Variants in RNGTT observed in about 807,000 individuals in gnomAD.
The protein encoded by RNGTT is mRNA-capping enzyme.
A neutral mutation model predicts 79.3 loss-of-function variants in RNGTT; 33 were observed. The observed-to-expected ratio is 0.42, with a 90% CI of 0.32 to 0.56. The LOEUF is 0.56. Ranked by LOEUF, RNGTT falls within the 20% of genes least tolerant of loss-of-function variation. RNGTT has a pLI of 0.17. For missense variants in RNGTT, 497 were observed against 739.1 expected (o/e 0.67, Z 3.80); for synonymous variants, 222 against 235.9 (o/e 0.94, Z 0.54).
At chr6:88,713,105 C>T (rs1377808557) in intron 13 of RNGTT, among the ~76,000 whole-genome samples, 1 of 152,036 alleles carries the variant, frequency 6.6e-6, no homozygotes. Context: ...GTGTTCAAAC[C>T]CTAACCCTCA....
intron 8 of RNGTT, among the ~76,000 whole-genome samples, chr6:88,889,130 C>A (rs780231855): frequency 2.6e-4 from 39 of 152,184 alleles, no homozygotes; most frequent in Non-Finnish European, 2.9e-4. Context: ...GATAAAATTT[C>A]TTTTTTATTT....
At chr6:88,720,683 CT>C (rs775714461) in intron 13 of RNGTT, among the ~76,000 whole-genome samples, 17 of 152,174 alleles carry the variant, frequency 1.1e-4, no homozygotes, top group Middle Eastern at 3.4e-3. Context: ...AAGAATTTTT[CT>C]GATCACTTTT....
At chr6:88,725,440 C>G (rs1000711276) in intron 13 of RNGTT, among the ~76,000 whole-genome samples, 1 of 152,124 alleles carries the variant, frequency 6.6e-6, no homozygotes, top group African/African-American at 2.4e-5. Context: ...TAAGACATAC[C>G]AAGGAGAGAG....
At chr6:88,685,590 G>A (rs554108974) in intron 13 of RNGTT, among the ~76,000 whole-genome samples, 68 of 151,418 alleles carry the variant, frequency 4.5e-4, no homozygotes, top group Middle Eastern at 3.4e-3. Flanking sequence ...AGGGGAAAGG[G>A]AAGAAAAAAG....
intron 14 of RNGTT, among the ~76,000 whole-genome samples, chr6:88,634,678 G>T (rs1773031333): frequency 6.6e-6 from 1 of 151,946 alleles, no homozygotes; most frequent in African/African-American, 2.4e-5. Context: ...AAATTCGGAG[G>T]TTCTTTTGAA....
At chr6:88,891,990 G>GTC in intron 6 of RNGTT, 75 bp from the exon 7 acceptor site, 1 of 977,088 alleles carries the variant, frequency 1.0e-6, no homozygotes, top group Non-Finnish European at 1.5e-6. Context: ...ACAAAGAAGA[G>GTC]ACTGAGAGAT....
intron 11 of RNGTT, among the ~76,000 whole-genome samples, chr6:88,817,513 A>AAG (rs1780352749): frequency 6.7e-6 from 1 of 150,282 alleles, no homozygotes; most frequent in South Asian, 2.1e-4. Context: ...AAAAAAAAAA[A>AAG]AAGTGGGGGG....
rs544911437 is a variant in RNGTT, at chr6:88,705,745, G to C, written c.1440-27326C>G. ...ATCACTTTGCAAATGTTCTGACTAT[G>C]GTCAGCACAGATAAAGTGAATTTAT... On this transcript the variant is annotated intron_variant, in intron 13 of 15. Coordinates refer to ENST00000369485, the MANE Select transcript of RNGTT (RefSeq NM_003800.5). Among the ~76,000 whole-genome samples, 21 of 152,144 alleles carry C rather than the reference G, an allele frequency of 1.4e-4. No individual in the cohort carries two copies. The South Asian group carries it at 4.1e-3, about 30-fold the overall frequency.
At chr6:88,688,414 T>C (rs1442499890) in intron 13 of RNGTT, among the ~76,000 whole-genome samples, 2 of 152,178 alleles carry the variant, frequency 1.3e-5, no homozygotes, top group Non-Finnish European at 2.9e-5. Flanking sequence ...CCTAGCTCTG[T>C]CAACAGAGAG....
intron 12 of RNGTT, among the ~76,000 whole-genome samples, chr6:88,777,802 T>C (rs73754823): frequency 0.025 from 3,757 of 152,290 alleles, 142 homozygotes; most frequent in African/African-American, 0.085. Context: ...TCTTGTCTGA[T>C]TGCTCTTACT....
At chr6:88,687,765 G>A (rs1425503312) in intron 13 of RNGTT, among the ~76,000 whole-genome samples, 1 of 152,136 alleles carries the variant, frequency 6.6e-6, no homozygotes, top group East Asian at 1.9e-4. Context: ...AGGAATTACA[G>A]GAAGGCTAAA....
chr6:88,798,092 C>T (rs1305340090), intron 12 of RNGTT, among the ~76,000 whole-genome samples: 1 of 151,882 alleles, frequency 6.6e-6, no homozygotes, highest in African/African-American at 2.4e-5. Flanking sequence ...CATGGATAGG[C>T]ATTACCATGG....
intron 14 of RNGTT, among the ~76,000 whole-genome samples, chr6:88,670,764 G>C (rs1280174875): frequency 6.6e-6 from 1 of 152,120 alleles, no homozygotes. Flanking sequence ...GCCCCCACTT[G>C]CACAATGTAT....
At chr6:88,699,861 T>C (rs540725986) in intron 13 of RNGTT, among the ~76,000 whole-genome samples, 1 of 152,196 alleles carries the variant, frequency 6.6e-6, no homozygotes, top group Admixed American at 6.5e-5. Flanking sequence ...GTATACAGAA[T>C]ATGCAAACTC....
intron 14 of RNGTT, among the ~76,000 whole-genome samples, chr6:88,665,939 A>G (rs565347013): frequency 2.0e-5 from 3 of 152,232 alleles, no homozygotes; most frequent in Non-Finnish European, 2.9e-5. Context: ...CAGGTACGCT[A>G]CCTGGGATTT....
intron 14 of RNGTT, among the ~76,000 whole-genome samples, chr6:88,638,009 A>G (rs1346829283): frequency 6.6e-6 from 1 of 152,148 alleles, no homozygotes; most frequent in African/African-American, 2.4e-5. Flanking sequence ...CCTAAGGATT[A>G]GACTGCTTTT....
intron 6 of RNGTT, among the ~76,000 whole-genome samples, chr6:88,893,698 C>T (rs184779250): frequency 2.6e-3 from 391 of 152,224 alleles, no homozygotes; most frequent in Non-Finnish European, 4.3e-3. Flanking sequence ...TAGTAAATGT[C>T]TGTCATCCAT....
intron 1 of RNGTT, among the ~76,000 whole-genome samples, chr6:88,957,193 G>C (rs140862105): frequency 6.6e-6 from 1 of 152,108 alleles, no homozygotes; most frequent in East Asian, 1.9e-4. Context: ...CAGAAGGGAC[G>C]TACCTCAAGG....
intron 13 of RNGTT, among the ~76,000 whole-genome samples, chr6:88,733,166 G>T (rs1777169397): frequency 6.6e-6 from 1 of 152,064 alleles, no homozygotes. Flanking sequence ...TTTGAGATCA[G>T]CCTGGGCAAC....
Sources: gnomAD v4.1 joint callset for allele counts (sites outside exome capture counted in the v4.1 genomes callset) on GRCh38, gnomAD v4.1.1 for gene constraint, MANE v1.5 for transcripts, NCBI Gene and HGNC (gene_info 2026-07-23, HGNC 2026-07-21) for gene names.